GLB1L2: variants seen among roughly 807,000 people sequenced by gnomAD.
GLB1L2 encodes the protein beta-galactosidase-1-like protein 2.
Under a neutral mutation model 84.1 loss-of-function variants are expected in GLB1L2, and 68 were observed. The observed-to-expected ratio is 0.81, with a 90% confidence interval of 0.67 to 0.99. The LOEUF (loss-of-function observed/expected upper bound fraction) is 0.99. Ranked by LOEUF, GLB1L2 falls within the 50% of genes least tolerant of loss-of-function variation. GLB1L2 has a pLI of 0.00. For synonymous variants in GLB1L2, 290 were observed against 318.0 expected (o/e 0.91, Z 0.94); for missense variants, 762 against 805.6 (o/e 0.95, Z 0.66).
At chr11:134,367,826 G>C (rs1270633243) in intron 9 of GLB1L2, among the ~76,000 whole-genome samples, 1 of 152,224 alleles carries the variant, frequency 6.6e-6, no homozygotes, top group Non-Finnish European at 1.5e-5. Flanking sequence ...TTTAAAGAAT[G>C]TGAAGAGCCC....
chr11:134,364,288 GAC>G (rs1565440740), intron 7 of GLB1L2, 38 bp from the exon 8 acceptor site: 5 of 1,563,046 alleles, frequency 3.2e-6, no homozygotes, highest in Non-Finnish European at 8.8e-7. Context: ...CTGGCTTTGA[GAC>G]AGTGCTTTGT....
At chr11:134,360,259 G>A (rs1591619687) in intron 7 of GLB1L2, 1 of 152,448 alleles carries the variant, frequency 6.6e-6, no homozygotes, top group African/African-American at 2.4e-5. Flanking sequence ...CACAGACCGA[G>A]CTGCTGGAAG....
intron 1 of GLB1L2, 76 bp downstream of exon 1, chr11:134,332,223 G>T (rs1173846669): frequency 1.4e-5 from 15 of 1,065,648 alleles, no homozygotes; most frequent in African/African-American, 3.3e-5. Context: ...CTCTCCTCCC[G>T]CGACCCGCGA....
At chr11:134,356,233 C>T (rs374636957) in intron 5 of GLB1L2, 68 bp from the exon 6 acceptor site, 30 of 1,176,432 alleles carry the variant, frequency 2.6e-5, no homozygotes, top group Middle Eastern at 1.9e-4. Context: ...TGGTGATGGG[C>T]GTGGCAGGGT....
intron 7 of GLB1L2, among the ~76,000 whole-genome samples, chr11:134,361,916 G>GC (rs1004591654): frequency 1.3e-5 from 2 of 152,070 alleles, no homozygotes; most frequent in Non-Finnish European, 2.9e-5. Context: ...CTTCCTCCTC[G>GC]CCCCCGGCCA....
chr11:134,364,311 C>T lies in GLB1L2; in HGVS notation c.734-17C>T. 3.1e-6 allele frequency: 5 copies of T among 1,608,826 alleles called. No individual in the cohort carries two copies. Among genetic ancestry groups the T allele is most frequent in the South Asian group, 1.1e-5 (1 of 90,776 alleles). ...GAGACAGTGCTTTGTCTCTCTCTCT[C>T]CTCTTCCCTTTAACAGTCTTGGCCA... On this transcript the variant is annotated splice_polypyrimidine_tract_variant and intron_variant, in intron 7 of 18. Transcript: ENST00000535456.
At chr11:134,342,150 C>T (rs1456199250) in intron 1 of GLB1L2, among the ~76,000 whole-genome samples, 2 of 152,316 alleles carry the variant, frequency 1.3e-5, no homozygotes, top group East Asian at 3.9e-4. Flanking sequence ...GGGCCGACCC[C>T]GAGAGATGCC....
At chr11:134,358,972 T>C (rs1461576506) in intron 6 of GLB1L2, 88 bp from the exon 7 acceptor site, 3 of 887,582 alleles carry the variant, frequency 3.4e-6, no homozygotes, top group Non-Finnish European at 5.2e-6. Flanking sequence ...TCCTTCTAGC[T>C]CTTCAGGCTA....
Position 134,332,215 on chromosome 11 carries a change from C to G in GLB1L2, c.86+68C>G. 2.6e-6 allele frequency: 3 copies of G among 1,162,098 alleles called. No individual in the cohort carries two copies. The South Asian group carries it at 4.3e-5, about 17-fold the overall frequency. The allele number at this position is 1,162,098 out of a possible 1,614,324, so 72.0% of individuals were successfully genotyped here. On this transcript the variant is annotated intron_variant, in intron 1 of 18. Transcript: ENST00000535456. ...CCCAGCCCTCCGCACCTCGGGTTCTCTCCTCCCGCGACCCGCGAATCCCGA... is the reference window on the plus strand; with the variant it reads ...CCCAGCCCTCCGCACCTCGGGTTCTGTCCTCCCGCGACCCGCGAATCCCGA...
At chr11:134,349,663 G>C (rs1394248000) in intron 5 of GLB1L2, among the ~76,000 whole-genome samples, 2 of 152,180 alleles carry the variant, frequency 1.3e-5, no homozygotes, top group African/African-American at 4.8e-5. Context: ...TCTCATGGTG[G>C]TTTTGATTTG....
Position 134,335,446 on chromosome 11 carries a change from G to A in GLB1L2, c.86+3299G>A, listed in dbSNP as rs114095955. Among the ~76,000 whole-genome samples the A allele has an allele frequency of 4.1e-3, 625 of 152,170 alleles. 3 individuals are homozygous for A. The highest frequency in any genetic ancestry group is 0.014 in the African/African-American group (571 of 41,512). On this transcript the variant is annotated intron_variant, in intron 1 of 18. Coordinates refer to ENST00000535456, the MANE Select transcript of GLB1L2 (RefSeq NM_001370461.1). ...TTGTAGTAGTAAAGTTTTCAGCATCGGGGAAGTGTCTCTTTCAGCAGGTGA... is the reference window on the plus strand; with the variant it reads ...TTGTAGTAGTAAAGTTTTCAGCATCAGGGAAGTGTCTCTTTCAGCAGGTGA...
In GLB1L2 at chr11:134,356,365, AC is replaced by A. The variant is rs1943702040; in HGVS notation, c.627del (p.Ala210HisfsTer20). The A allele has an allele frequency of 3.1e-6, 5 of 1,613,290 alleles. No individual in the cohort carries two copies. Among genetic ancestry groups the A allele is most frequent in the Non-Finnish European group, 4.2e-6 (5 of 1,179,514 alleles). On this transcript the variant is annotated frameshift_variant, in exon 6 of 19. Transcript: ENST00000535456. LOFTEE classifies it high-confidence loss of function. ...AATGAATATGGTTCCTATAATAAAG[AC>A]CCCGCATACATGCCCTACGTCAAGA... is the stretch of plus-strand genomic sequence containing the variant. ...VENEYGSYNKDPAYMPYVKKA... is the reference protein window; with the variant it reads ...VENEYGSYNKXPAYMPYVKKA...
intron 5 of GLB1L2, among the ~76,000 whole-genome samples, chr11:134,352,675 C>G (rs1484236302): frequency 7.1e-6 from 1 of 140,324 alleles, no homozygotes; most frequent in African/African-American, 2.7e-5. Flanking sequence ...GAGATGGAGT[C>G]TCGCTCTTGT....
intron 6 of GLB1L2, among the ~76,000 whole-genome samples, chr11:134,356,676 G>A (rs960513050): frequency 1.3e-5 from 2 of 152,176 alleles, no homozygotes; most frequent in African/African-American, 4.8e-5. Context: ...CTGGAGAGGC[G>A]GCTCCAATTC....
In GLB1L2 at chr11:134,367,330, T is replaced by G; in HGVS notation, c.878T>G (p.Leu293Trp). ...FDSWGGPHNI[L>W]DSSEVLKTVS... ...TCGTGGGGAGGCCCTCACAATATCT[T>G]GGATTCTTCTGGTGAGTGCTTGCGG... Residue 293 changes from leucine (L) to tryptophan (W), a missense_variant, in exon 9 of 19, where the codon TTG becomes TGG. By Grantham distance (61) the Leu-to-Trp change is moderately conservative. Transcript: ENST00000535456. 6.2e-7 allele frequency: 1 copy of G among 1,613,788 alleles called. No homozygotes were observed. Among genetic ancestry groups the G allele is most frequent in the Non-Finnish European group, 8.5e-7 (1 of 1,179,728 alleles).
In GLB1L2 at chr11:134,371,491, A is replaced by G; in HGVS notation, c.1427A>G (p.Gln476Arg). The change falls in exon 14 of 19, where the codon CAG (glutamine) becomes CGG (arginine). Residue 476 changes from glutamine to arginine, a missense_variant and splice_region_variant. Gln to Arg is a conservative substitution (Grantham distance 43, BLOSUM62 1). Around this residue, in one of 3 missense-constraint regions of GLB1L2, gnomAD observed 603 missense variants for 611.7 expected, o/e 0.99. Transcript: ENST00000535456. ...KTTKIAVPLI[Q>R]GYTVLRILVE... is the part of the protein sequence containing the mutation. ...ACGAAGATTGCTGTCCCCCTGATCCAGGTTCGTTGTTTTTGGGAGCTGGGT... is the reference window on the plus strand; with the variant it reads ...ACGAAGATTGCTGTCCCCCTGATCCGGGTTCGTTGTTTTTGGGAGCTGGGT... 1 of 1,576,470 alleles carries G rather than the reference A, an allele frequency of 6.3e-7. No individual in the cohort carries two copies. Among genetic ancestry groups the G allele is most frequent in the Non-Finnish European group, 8.7e-7 (1 of 1,145,912 alleles).
Position 134,342,866 on chromosome 11 carries a change from T to C in GLB1L2, c.199T>C (p.Ser67Pro). 1 of 1,613,982 alleles carries C rather than the reference T, an allele frequency of 6.2e-7. No homozygotes were observed. The highest frequency in any genetic ancestry group is 2.2e-5 in the East Asian group (1 of 44,870). ...TTCCACCTTCTGGATCTTCGGGGGC[T>C]CCATCCACTATTTCCGTGTGCCCAG... ...EDSTFWIFGGSIHYFRVPREY... is the reference protein window; with the variant it reads ...EDSTFWIFGGPIHYFRVPREY... The change falls in exon 2 of 19, where the codon TCC (serine) becomes CCC (proline). Residue 67 changes from serine to proline, a missense_variant. Around this residue, in one of 3 missense-constraint regions of GLB1L2, gnomAD observed 100 missense variants for 88.8 expected, o/e 1.13. Transcript: ENST00000535456.
chr11:134,365,970 C>T (rs369882541), intron 8 of GLB1L2, among the ~76,000 whole-genome samples: 12 of 152,308 alleles, frequency 7.9e-5, no homozygotes, highest in East Asian at 7.7e-4. Context: ...TGCACTCTCC[C>T]GTTTAATTCT....
At position 134,334,218 on chromosome 11, in the gene GLB1L2, G is replaced by A. The variant is rs1001669190; in HGVS notation, c.86+2071G>A. Among the ~76,000 whole-genome samples the A allele has an allele frequency of 5.9e-5, 9 of 152,160 alleles. No homozygotes were observed. The highest frequency in any genetic ancestry group is 8.8e-5 in the Non-Finnish European group (6 of 68,026). ...TGGAATATAGGTCACGTGGAAACTG[G>A]CCACCAAGTTCACTCTTTGTGGAGC... is the stretch of plus-strand genomic sequence containing the variant. On this transcript the variant is annotated intron_variant, in intron 1 of 18. Coordinates refer to ENST00000535456, the MANE Select transcript of GLB1L2 (RefSeq NM_001370461.1). This position sits in a 1 kb window ranked among gnomAD's most constrained non-coding sequence, Gnocchi z 4.1.
Sources: gnomAD v4.1 joint callset for allele counts (sites outside exome capture counted in the v4.1 genomes callset) on GRCh38, gnomAD v4.1.1 for gene constraint, gnomAD v4.1.1 regional missense constraint, Gnocchi (gnomAD v3.1) non-coding constraint, MANE v1.5 for transcripts, NCBI Gene and HGNC (gene_info 2026-07-23, HGNC 2026-07-21) for gene names.